The following TNPO2 variants were observed in gnomAD, a reference collection of about 807,000 sequenced individuals.
TNPO2 encodes transportin 2.
Under a neutral mutation model 111.1 loss-of-function variants are expected in TNPO2, and 16 were observed. The observed-to-expected ratio is 0.14, with a 90% CI of 0.10 to 0.22. The LOEUF is 0.22. TNPO2 is among the 10% of genes least tolerant of loss of function. TNPO2 has a pLI of 1.00. For missense variants in TNPO2, 530 were observed against 1,173.7 expected (o/e 0.45, Z 8.01); for synonymous variants, 481 against 475.8 (o/e 1.01, Z -0.14).
At chr19:12,709,015 G>A (rs563928657) in intron 13 of TNPO2, among the ~76,000 whole-genome samples, 1 of 151,600 alleles carries the variant, frequency 6.6e-6, no homozygotes, top group African/African-American at 2.4e-5. Context: ...CTCCAGCCTG[G>A]GCGATAAGAG....
intron 2 of TNPO2, chr19:12,722,702 C>G (rs1217901081): frequency 1.3e-5 from 2 of 152,004 alleles, no homozygotes; most frequent in Non-Finnish European, 2.9e-5. Context: ...CACACGTGCC[C>G]TGGCACTTGG....
In TNPO2 at chr19:12,700,263, C is replaced by T. The variant is rs2025209800; in HGVS notation, c.*1001G>A. 7.0e-6 allele frequency: 1 copy of T among 142,024 alleles called. No homozygotes were observed. Among genetic ancestry groups the T allele is most frequent in the Non-Finnish European group, 1.5e-5 (1 of 65,204 alleles). 8.8% of individuals were successfully genotyped at this position (142,024 alleles called of 1,614,324 possible). A position where few individuals can be genotyped will look rare whatever the true frequency, so the allele number is the denominator to read the frequency against. On this transcript the variant is annotated 3_prime_UTR_variant, in exon 26 of 26. Coordinates refer to ENST00000425528, the MANE Select transcript of TNPO2 (RefSeq NM_001382241.1). ...CCCTGCCCCAGGCCTTGAGTTAAAA[C>T]TGGGGCCTGAAACGTGAGAAGGGGG...
At chr19:12,720,129 G>C (rs1264759279) in intron 3 of TNPO2, among the ~76,000 whole-genome samples, 1 of 152,014 alleles carries the variant, frequency 6.6e-6, no homozygotes, top group East Asian at 1.9e-4. Flanking sequence ...CGATTCTCCT[G>C]CCTCAGCCTC....
chr19:12,711,186 G>A (rs558325830), intron 12 of TNPO2, 110 bp downstream of exon 12: 19 of 1,443,394 alleles, frequency 1.3e-5, no homozygotes, highest in Admixed American at 9.8e-5. Context: ...AAGCCACTGC[G>A]CCCGGCCACG....
intron 5 of TNPO2, among the ~76,000 whole-genome samples, chr19:12,718,571 C>T (rs1424929850): frequency 2.0e-5 from 3 of 152,206 alleles, no homozygotes; most frequent in Non-Finnish European, 4.4e-5. Flanking sequence ...CCCAAAGTTG[C>T]TGGGATTACA....
Position 12,720,863 on chromosome 19 carries a change from A to C in TNPO2, c.99+16T>G. 1 of 1,577,404 alleles carries C rather than the reference A, an allele frequency of 6.3e-7. No individual in the cohort carries two copies. The highest frequency in any genetic ancestry group is 8.6e-7 in the Non-Finnish European group (1 of 1,163,072). On this transcript the variant is annotated intron_variant, in intron 3 of 25. Transcript: ENST00000425528. ...ATCTACCCGGCTCCCCCAGCCCCGG[A>C]AGGAAGGAAGGATACATCCTGCACG... is the stretch of plus-strand genomic sequence containing the variant.
chr19:12,712,168 A>G lies in TNPO2; in HGVS notation c.891-555T>C, dbSNP rs553500540. ...CATAGTGAGGTGTGACCAGAAGACA[A>G]GAGTGCGAGCCTTCTGTTATGCCCG... is the stretch of plus-strand genomic sequence containing the variant. On this transcript the variant is annotated intron_variant, in intron 10 of 25. Transcript: ENST00000425528. 2.6e-5 allele frequency among the ~76,000 whole-genome samples: 4 copies of G among 152,282 alleles called. No homozygotes were observed. In the East Asian group the frequency reaches 5.8e-4, roughly 22 times the overall value.
At chr19:12,710,277 C>T (rs771876700) in intron 13 of TNPO2, among the ~76,000 whole-genome samples, 4 of 152,148 alleles carry the variant, frequency 2.6e-5, no homozygotes, top group Admixed American at 6.6e-5. Context: ...AACTGGGATC[C>T]GGCACCCAGC....
At chr19:12,716,944 ATGCT>A (rs2026395608) in intron 5 of TNPO2, among the ~76,000 whole-genome samples, 1 of 152,148 alleles carries the variant, frequency 6.6e-6, no homozygotes, top group African/African-American at 2.4e-5. Context: ...GGTGGCAGGG[ATGCT>A]TGTACTGCCT....
Position 12,702,901 on chromosome 19 carries a change from A to C in TNPO2, c.2227T>G (p.Tyr743Asp). The stretch of plus-strand genomic sequence containing the variant: ...AGGTTGTTGAGGACCATCTGCACAT[A>C]AGGCTGCATCTCTGCCCCTGGGGGA... ...CMQMGAEMQP[Y>D]VQMVLNNLVE... The change falls in exon 21 of 26, where the codon TAT becomes GAT. Residue 743 changes from tyrosine (Y) to aspartate (D), a missense_variant. Tyr to Asp is a radical substitution (Grantham distance 160, BLOSUM62 -3). Coordinates refer to ENST00000425528, the MANE Select transcript of TNPO2 (RefSeq NM_001382241.1). This position sits in a 1 kb window ranked among gnomAD's most constrained non-coding sequence, Gnocchi z 5.5. 6.2e-7 allele frequency: 1 copy of C among 1,613,800 alleles called. No homozygotes were observed. The highest frequency in any genetic ancestry group is 8.5e-7 in the Non-Finnish European group (1 of 1,179,746).
chr19:12,716,368 G>A (rs148201697), intron 5 of TNPO2, among the ~76,000 whole-genome samples: 2,084 of 152,294 alleles, frequency 0.014, 33 homozygotes, highest in Non-Finnish European at 0.021. Flanking sequence ...GCTCATGCCT[G>A]TAATCCCAGC....
chr19:12,719,518 G>A lies in TNPO2; in HGVS notation c.100-182C>T, dbSNP rs1291446147. On this transcript the variant is annotated intron_variant, in intron 3 of 25. Coordinates refer to ENST00000425528, the MANE Select transcript of TNPO2 (RefSeq NM_001382241.1). The surrounding 1 kb of genome is among the most constrained non-coding windows in gnomAD (Gnocchi z 5.0). ...ACACGTCAAATTCATATAAGGGGCC[G>A]GGCGCGGTGGCTCACGCCTGTAATC... Among the ~76,000 whole-genome samples, 5 of 152,122 alleles carry A rather than the reference G, an allele frequency of 3.3e-5. No individual in the cohort carries two copies. The highest frequency in any genetic ancestry group is 4.1e-4 in the South Asian group (2 of 4,822).
intron 2 of TNPO2, chr19:12,722,481 C>T (rs1359907736): frequency 6.7e-6 from 1 of 149,914 alleles, no homozygotes; most frequent in Non-Finnish European, 1.5e-5. Context: ...ACTTACCCGG[C>T]CCCGGGCAGC....
At chr19:12,722,407 G>A (rs536033353) in intron 2 of TNPO2, 2 of 150,398 alleles carry the variant, frequency 1.3e-5, no homozygotes, top group South Asian at 4.2e-4. Flanking sequence ...CGCGGCGCAG[G>A]CTCGGTGCCC....
chr19:12,712,624 G>A (rs8109565), intron 10 of TNPO2, among the ~76,000 whole-genome samples: 3 of 151,824 alleles, frequency 2.0e-5, no homozygotes, highest in Non-Finnish European at 3.0e-5. Context: ...TCTCTGCCTC[G>A]GCTGCCAGGC....
At chr19:12,714,800 G>A in intron 10 of TNPO2, 21 bp downstream of exon 10, 1 of 1,603,696 alleles carries the variant, frequency 6.2e-7, no homozygotes, top group Non-Finnish European at 8.5e-7. Flanking sequence ...GGGTAGGACA[G>A]TGGGCAGCAG....
rs759282216 is a variant in TNPO2 at position 12,714,855 on chromosome 19, T to C, written c.856A>G (p.Ile286Val). 1 of 1,613,830 alleles carries C rather than the reference T, an allele frequency of 6.2e-7. No homozygotes were observed. Among genetic ancestry groups the C allele is most frequent in the Admixed American group, 1.7e-5 (1 of 59,994 alleles). Reference sequence around the variant, plus strand: ...TGGGAGGCCAGGACTTCCTTGCAGATGGGCTGCTCGGCCAGCGTCAGCCAG... The same window carrying C: ...TGGGAGGCCAGGACTTCCTTGCAGACGGGCTGCTCGGCCAGCGTCAGCCAG... ...EFWLTLAEQPICKEVLASHLV... is the reference protein window; with the variant it reads ...EFWLTLAEQPVCKEVLASHLV... The change falls in exon 10 of 26, where the codon ATC (isoleucine) becomes GTC (valine). Residue 286 changes from isoleucine (I) to valine (V), a missense_variant. By Grantham distance (29) the Ile-to-Val change is conservative. Around this residue, in one of 4 missense-constraint regions of TNPO2, gnomAD observed 156 missense variants for 405.8 expected, o/e 0.38. Transcript: ENST00000425528.
At position 12,705,425 on chromosome 19, in the gene TNPO2, G is replaced by A. The variant is rs1273921083; in HGVS notation, c.1864-27C>T. The A allele has an allele frequency of 3.8e-6, 6 of 1,577,352 alleles. No homozygotes were observed. The African/African-American group carries it at 5.4e-5, about 14-fold the overall frequency. ...TAGACACAGATGCCGACAGGGGCAC[G>A]GGTAAGTGGAGCAGGCCCGAGGCAG... On this transcript the variant is annotated intron_variant, in intron 17 of 25. Coordinates refer to ENST00000425528, the MANE Select transcript of TNPO2 (RefSeq NM_001382241.1). This position sits in a 1 kb window ranked among gnomAD's most constrained non-coding sequence, Gnocchi z 7.2.
rs1284919639 is a variant in TNPO2, at chr19:12,705,096, C to T, written c.2022+144G>A. 15 of 868,750 alleles carry T rather than the reference C, an allele frequency of 1.7e-5. No individual in the cohort carries two copies. The highest frequency in any genetic ancestry group is 2.4e-5 in the Non-Finnish European group (14 of 571,928). 53.8% of individuals were successfully genotyped at this position (868,750 alleles called of 1,614,324 possible). A position where few individuals can be genotyped will look rare whatever the true frequency, so the allele number is the denominator to read the frequency against. ...AACTCCTGGGCTCAAGCAATCCTGC[C>T]TCGGCCTCCAGGATTACTCTTTAAA... On this transcript the variant is annotated intron_variant, in intron 18 of 25. Transcript: ENST00000425528. The surrounding 1 kb of genome is among the most constrained non-coding windows in gnomAD (Gnocchi z 7.2).
Sources: gnomAD v4.1 joint callset for allele counts (sites outside exome capture counted in the v4.1 genomes callset) on GRCh38, gnomAD v4.1.1 for gene constraint, gnomAD v4.1.1 regional missense constraint, Gnocchi (gnomAD v3.1) non-coding constraint, MANE v1.5 for transcripts, NCBI Gene and HGNC (gene_info 2026-07-23, HGNC 2026-07-21) for gene names.